The following RAD51B variants were observed in gnomAD, a reference collection of about 807,000 sequenced individuals.
RAD51B encodes the protein RAD51 paralog B.
A neutral mutation model predicts 42.2 loss-of-function variants in RAD51B; 38 were observed. That is an observed-to-expected ratio of 0.90 (90% CI 0.70 to 1.18). The LOEUF is 1.18. RAD51B is among the 50% of genes most tolerant of loss of function. RAD51B has a pLI of 0.00. For missense variants in RAD51B, 373 were observed against 400.7 expected (o/e 0.93, Z 0.59); for synonymous variants, 154 against 145.2 (o/e 1.06, Z -0.43).
chr14:68,190,281 G>C (rs1340767111), intron 7 of RAD51B, among the ~76,000 whole-genome samples: 2 of 152,098 alleles, frequency 1.3e-5, no homozygotes, highest in African/African-American at 2.4e-5. Flanking sequence ...TACTTAAAAG[G>C]CTGGTCCAGG....
chr14:68,388,455 C>T (rs920557316), intron 8 of RAD51B, among the ~76,000 whole-genome samples: 1 of 152,078 alleles, frequency 6.6e-6, no homozygotes, highest in Non-Finnish European at 1.5e-5. Context: ...CATAAATCTT[C>T]CCATGCCTTA....
intron 10 of RAD51B, among the ~76,000 whole-genome samples, chr14:68,505,675 C>T (rs534070230): frequency 1.3e-5 from 2 of 151,954 alleles, no homozygotes; most frequent in African/African-American, 2.4e-5. Context: ...CTCAGCCTCC[C>T]GAGTAGCTGG....
chr14:68,259,460 A>C (rs2080832543), intron 7 of RAD51B, among the ~76,000 whole-genome samples: 1 of 152,114 alleles, frequency 6.6e-6, no homozygotes, highest in South Asian at 2.1e-4. Context: ...ATAATAATAA[A>C]ATAAAAATAA....
chr14:68,070,352 A>G (rs1284081326), intron 7 of RAD51B, among the ~76,000 whole-genome samples: 1 of 151,898 alleles, frequency 6.6e-6, no homozygotes, highest in Admixed American at 6.6e-5. Context: ...AAGTCTTTGC[A>G]TGGGCTGATA....
chr14:68,151,672 CT>C (rs1427358383), intron 7 of RAD51B, among the ~76,000 whole-genome samples: 1 of 151,814 alleles, frequency 6.6e-6, no homozygotes, highest in East Asian at 1.9e-4. Flanking sequence ...TTCAAGTTCT[CT>C]AATCATCTCT....
chr14:68,229,852 G>A (rs776808301), intron 7 of RAD51B, among the ~76,000 whole-genome samples: 4 of 152,218 alleles, frequency 2.6e-5, no homozygotes, highest in Non-Finnish European at 5.9e-5. Context: ...GATCAGAGCT[G>A]TGTCATAGAT....
chr14:68,093,649 C>G (rs1011577964), intron 7 of RAD51B, among the ~76,000 whole-genome samples: 2 of 152,022 alleles, frequency 1.3e-5, no homozygotes, highest in East Asian at 3.9e-4. Flanking sequence ...TTCAAAAAAC[C>G]AGCTCCTGGA....
At chr14:68,502,197 G>C (rs149808678) in intron 10 of RAD51B, among the ~76,000 whole-genome samples, 53 of 152,340 alleles carry the variant, frequency 3.5e-4, no homozygotes, top group Non-Finnish European at 4.1e-4. Flanking sequence ...GAGATCACAC[G>C]ACAACAGAAT....
chr14:67,825,550 C>T lies in RAD51B; in HGVS notation c.171C>T (p.Ser57=), dbSNP rs2140278702. 1 of 1,611,872 alleles carries T rather than the reference C, an allele frequency of 6.2e-7. No individual in the cohort carries two copies. Among genetic ancestry groups the T allele is most frequent in the Non-Finnish European group, 8.5e-7 (1 of 1,178,544 alleles). Residue 57 remains serine, a synonymous_variant, in exon 3 of 11, where the codon AGC becomes AGT. Transcript: ENST00000471583. The stretch of plus-strand genomic sequence containing the variant: ...TCCATGAACTTCTATGTATGGTCAG[C>T]AGGGCCTGTGCCCCAAAGATGCAAA... The part of the protein sequence containing the change: ...RGVHELLCMV[S]RACAPKMQTA...
intron 10 of RAD51B, among the ~76,000 whole-genome samples, chr14:68,639,774 T>G (rs1214939867): frequency 6.6e-6 from 1 of 151,994 alleles, no homozygotes; most frequent in Non-Finnish European, 1.5e-5. Flanking sequence ...GTTTTGTTTT[T>G]TTTGTTGTTT....
intron 7 of RAD51B, among the ~76,000 whole-genome samples, chr14:67,978,728 G>A (rs187438864): frequency 6.6e-6 from 1 of 152,264 alleles, no homozygotes; most frequent in African/African-American, 2.4e-5. Flanking sequence ...TCTAAAAGGA[G>A]TTTAAAATAA....
chr14:68,046,165 C>T (rs1475362891), intron 7 of RAD51B, among the ~76,000 whole-genome samples: 3 of 152,104 alleles, frequency 2.0e-5, no homozygotes, highest in African/African-American at 7.2e-5. Flanking sequence ...ACTCTGTCAC[C>T]CAGGCTGGAG....
intron 8 of RAD51B, among the ~76,000 whole-genome samples, chr14:68,364,808 ATG>A (rs1163515979): frequency 2.0e-5 from 3 of 152,044 alleles, no homozygotes; most frequent in African/African-American, 7.2e-5. Context: ...AAAGAATCTT[ATG>A]TGTGTGTGTG....
At chr14:68,127,305 C>T (rs942517181) in intron 7 of RAD51B, among the ~76,000 whole-genome samples, 1 of 152,152 alleles carries the variant, frequency 6.6e-6, no homozygotes, top group South Asian at 2.1e-4. Flanking sequence ...TCCCTGTGCT[C>T]TGCTAGGATT....
intron 8 of RAD51B, among the ~76,000 whole-genome samples, chr14:68,371,459 A>G (rs1198142586): frequency 6.6e-6 from 1 of 152,126 alleles, no homozygotes; most frequent in African/African-American, 2.4e-5. Context: ...CGGAGGTTGC[A>G]GTGAGCTGAG....
chr14:68,362,881 A>G (rs1396675180), intron 8 of RAD51B, among the ~76,000 whole-genome samples: 1 of 152,010 alleles, frequency 6.6e-6, no homozygotes, highest in African/African-American at 2.4e-5. Flanking sequence ...AGAAACGAAC[A>G]GAAATGTTGT....
intron 8 of RAD51B, among the ~76,000 whole-genome samples, chr14:68,400,141 C>T (rs978526623): frequency 6.6e-6 from 1 of 152,148 alleles, no homozygotes; most frequent in African/African-American, 2.4e-5. Flanking sequence ...CTGGGTTTGC[C>T]TTGTGAGCTG....
chr14:67,937,179 G>T (rs1158396144), intron 7 of RAD51B, among the ~76,000 whole-genome samples: 1 of 152,292 alleles, frequency 6.6e-6, no homozygotes, highest in Middle Eastern at 3.4e-3. Context: ...GAAATTCAAA[G>T]CTGAGCCCTA....
intron 10 of RAD51B, among the ~76,000 whole-genome samples, chr14:68,518,338 A>G (rs1338080071): frequency 1.3e-5 from 2 of 152,198 alleles, no homozygotes; most frequent in Non-Finnish European, 2.9e-5. Context: ...CTCTTTGGCA[A>G]GTGATTGCGT....
Sources: allele counts gnomAD v4.1 joint callset (sites outside exome capture counted in the v4.1 genomes callset), GRCh38; gene constraint gnomAD v4.1.1; transcripts MANE v1.5; gene names NCBI Gene and HGNC (gene_info 2026-07-23, HGNC 2026-07-21).